The following NSUN6 variants were observed in gnomAD, a reference collection of about 807,000 sequenced individuals.
NSUN6 encodes tRNA (cytosine(72)-C(5))-methyltransferase NSUN6.
In NSUN6, 64 loss-of-function variants were observed where a neutral mutation model predicts 58.0. That is an observed-to-expected ratio of 1.10 (90% confidence interval 0.90 to 1.36). NSUN6 has a LOEUF of 1.36. Among genes scored for constraint, NSUN6 ranks in the 40% most tolerant of loss-of-function variants. NSUN6 has a pLI of 0.00. For synonymous variants in NSUN6, 231 were observed against 193.9 expected (o/e 1.19, Z -1.59); for missense variants, 701 against 550.1 (o/e 1.27, Z -2.74).
At chr10:18,577,652 T>C (rs747895949) in intron 8 of NSUN6, among the ~76,000 whole-genome samples, 3 of 152,348 alleles carry the variant, frequency 2.0e-5, no homozygotes, top group Middle Eastern at 6.8e-3. Context: ...GAGGGAATTA[T>C]TAGATATGAG....
At chr10:18,655,785 G>C (rs1367837043), upstream of NSUN6, among the ~76,000 whole-genome samples, 1 of 152,112 alleles carries the variant, frequency 6.6e-6, no homozygotes, top group African/African-American at 2.4e-5. Context: ...CTGAGCAGCC[G>C]AGCCCCTAAA....
chr10:18,658,029 T>C (rs1015368299), upstream of NSUN6, among the ~76,000 whole-genome samples: 1 of 151,212 alleles, frequency 6.6e-6, no homozygotes, highest in African/African-American at 2.4e-5. Context: ...TGTCTAACAA[T>C]TGAAGAAGCT....
chr10:18,632,828 C>T (rs1486361214), intron 3 of NSUN6, among the ~76,000 whole-genome samples: 4 of 152,314 alleles, frequency 2.6e-5, no homozygotes, highest in Admixed American at 2.0e-4. Context: ...CTAGTTCAAC[C>T]ATTGTGGAAG....
At chr10:18,578,060 T>C (rs563537610) in intron 8 of NSUN6, among the ~76,000 whole-genome samples, 8 of 152,164 alleles carry the variant, frequency 5.3e-5, no homozygotes, top group African/African-American at 1.4e-4. Flanking sequence ...AAAAAGAAAA[T>C]TGTATATTCG....
At chr10:18,625,719 TTAAAAAAAAAAAAAAAA>T (rs1373939843) in intron 3 of NSUN6, among the ~76,000 whole-genome samples, 1 of 108,266 alleles carries the variant, frequency 9.2e-6, no homozygotes, top group Non-Finnish European at 2.0e-5. Context: ...TGTTTTTTTT[TTAAAAAAAAAAAAAAAA>T]AAAAAAAAAA....
In NSUN6 at chr10:18,637,303, C is replaced by T. The variant is rs180958680; in HGVS notation, c.311+5173G>A. Among the ~76,000 whole-genome samples, 27 of 152,224 alleles carry T rather than the reference C, an allele frequency of 1.8e-4. 1 individual carries two copies. The East Asian group carries it at 4.8e-3, about 27-fold the overall frequency. ...AATGTAGGTATGTGAATTTACAATC[C>T]TAAATAATTTTTTCAAGCTTCCCTG... On this transcript the variant is annotated intron_variant, in intron 3 of 10. Coordinates refer to ENST00000377304, the MANE Select transcript of NSUN6 (RefSeq NM_182543.5).
intron 8 of NSUN6, among the ~76,000 whole-genome samples, chr10:18,583,054 A>C (rs972607119): frequency 6.6e-6 from 1 of 152,120 alleles, no homozygotes; most frequent in African/African-American, 2.4e-5. Context: ...GTCAAAGAAA[A>C]ACCACAGCCA....
chr10:18,613,561 A>C (rs930452200), intron 5 of NSUN6, among the ~76,000 whole-genome samples: 3 of 152,210 alleles, frequency 2.0e-5, no homozygotes, highest in Non-Finnish European at 2.9e-5. Flanking sequence ...CAGTCAAAAT[A>C]TCAATTACCA....
At chr10:18,585,515 C>T (rs1411268912) in intron 8 of NSUN6, among the ~76,000 whole-genome samples, 1 of 152,112 alleles carries the variant, frequency 6.6e-6, no homozygotes, top group Non-Finnish European at 1.5e-5. Flanking sequence ...ATAGATGAAC[C>T]TGGAAGACAT....
At chr10:18,625,726 A>ATT (rs2058774857) in intron 3 of NSUN6, among the ~76,000 whole-genome samples, 4 of 147,346 alleles carry the variant, frequency 2.7e-5, no homozygotes, top group Admixed American at 6.8e-5. Context: ...TTTTTAAAAA[A>ATT]AAAAAAAAAA....
At chr10:18,586,660 T>A (rs1364363403) in intron 7 of NSUN6, among the ~76,000 whole-genome samples, 1 of 152,112 alleles carries the variant, frequency 6.6e-6, no homozygotes, top group Non-Finnish European at 1.5e-5. Context: ...CAGACCTTCG[T>A]AGTGAGTGTT....
intron 8 of NSUN6, among the ~76,000 whole-genome samples, chr10:18,562,495 C>G (rs540159831): frequency 7.4e-6 from 1 of 134,540 alleles, no homozygotes; most frequent in Non-Finnish European, 1.6e-5. Context: ...TAGAATGGAA[C>G]AGAATGAAGA....
intron 4 of NSUN6, among the ~76,000 whole-genome samples, chr10:18,615,097 A>G (rs1032299284): frequency 7.1e-6 from 1 of 140,482 alleles, no homozygotes; most frequent in African/African-American, 2.7e-5. Context: ...ATAAGCATAT[A>G]TAGTCATTCA....
intron 7 of NSUN6, among the ~76,000 whole-genome samples, chr10:18,594,199 GAAA>G (rs749132499): frequency 8.1e-6 from 1 of 123,078 alleles, no homozygotes; most frequent in African/African-American, 3.1e-5. Context: ...AAGACTCTGA[GAAA>G]AAAAAAAAAA....
At chr10:18,611,332 G>A (rs2058227165) in intron 5 of NSUN6, among the ~76,000 whole-genome samples, 1 of 152,136 alleles carries the variant, frequency 6.6e-6, no homozygotes. Flanking sequence ...CAAGTTCATA[G>A]CTAGCTTATG....
At chr10:18,616,404 T>C (rs2058411838) in intron 3 of NSUN6, 111 bp from the exon 4 acceptor site, 2 of 598,056 alleles carry the variant, frequency 3.3e-6, no homozygotes. Context: ...CTGTCCTGAA[T>C]ACATAAGAAA....
chr10:18,624,994 A>G (rs2058742496), intron 3 of NSUN6, among the ~76,000 whole-genome samples: 1 of 152,174 alleles, frequency 6.6e-6, no homozygotes, highest in East Asian at 1.9e-4. Context: ...CCAGCCCAAT[A>G]AAACCCTTGG....
chr10:18,556,177 G>A (rs1001324576), intron 8 of NSUN6, among the ~76,000 whole-genome samples: 2 of 150,308 alleles, frequency 1.3e-5, no homozygotes, highest in African/African-American at 4.9e-5. Context: ...GGAATGGAAT[G>A]CAGAGTGGAA....
intron 8 of NSUN6, among the ~76,000 whole-genome samples, chr10:18,562,250 G>C (rs1253410502): frequency 6.6e-6 from 1 of 150,524 alleles, no homozygotes; most frequent in East Asian, 2.0e-4. Flanking sequence ...GGAATGGATT[G>C]GACAGGAATG....
Sources: gnomAD v4.1 joint callset for allele counts (sites outside exome capture counted in the v4.1 genomes callset) on GRCh38, gnomAD v4.1.1 for gene constraint, MANE v1.5 for transcripts, NCBI Gene and HGNC (gene_info 2026-07-23, HGNC 2026-07-21) for gene names.